The following ARHGEF7 variants were observed in gnomAD, a reference collection of about 807,000 sequenced individuals.
The protein encoded by ARHGEF7 is PAK-interacting exchange factor beta.
In ARHGEF7, 33 loss-of-function variants were observed where a neutral mutation model predicts 109.8. The ratio of observed to expected loss-of-function variants is 0.30; its 90% CI spans 0.23 to 0.40. The LOEUF is 0.40. Ranked by LOEUF, ARHGEF7 falls within the 10% of genes least tolerant of loss-of-function variation. The pLI is 1.00. For synonymous variants in ARHGEF7, 458 were observed against 424.6 expected (o/e 1.08, Z -0.97); for missense variants, 938 against 1,098.5 (o/e 0.85, Z 2.07).
intron 19 of ARHGEF7, among the ~76,000 whole-genome samples, chr13:111,299,854 T>A (rs2093522713): frequency 6.6e-6 from 1 of 152,220 alleles, no homozygotes; most frequent in Non-Finnish European, 1.5e-5. Flanking sequence ...CCCTTCTTCA[T>A]GGAGAAATGT....
intron 19 of ARHGEF7, among the ~76,000 whole-genome samples, chr13:111,298,467 G>A (rs966550022): frequency 2.0e-5 from 3 of 152,174 alleles, no homozygotes; most frequent in African/African-American, 7.2e-5. Context: ...GCAGCCCAGG[G>A]CCCACTACCC....
At chr13:111,196,717 C>CT (rs1436677454) in intron 2 of ARHGEF7, among the ~76,000 whole-genome samples, 4 of 151,788 alleles carry the variant, frequency 2.6e-5, no homozygotes, top group African/African-American at 9.7e-5. Context: ...GGAAGGGGAG[C>CT]TATAGGGAGG....
chr13:111,116,902 T>C (rs1231172809), intron 1 of ARHGEF7, among the ~76,000 whole-genome samples: 1 of 152,234 alleles, frequency 6.6e-6, no homozygotes, highest in African/African-American at 2.4e-5. Flanking sequence ...AAACAGAATC[T>C]GCATATTAGA....
At chr13:111,252,015 G>A (rs1163069369) in intron 8 of ARHGEF7, among the ~76,000 whole-genome samples, 1 of 152,344 alleles carries the variant, frequency 6.6e-6, no homozygotes, top group Non-Finnish European at 1.5e-5. Context: ...TACTTCCAAA[G>A]TGGGAGGAGT....
At chr13:111,133,522 A>G (rs1171937412) in intron 1 of ARHGEF7, among the ~76,000 whole-genome samples, 1 of 151,806 alleles carries the variant, frequency 6.6e-6, no homozygotes, top group African/African-American at 2.4e-5. Context: ...ACTTTTGTCC[A>G]TCACATACAG....
In ARHGEF7 at chr13:111,272,868, G is replaced by C. The variant is rs990537312; in HGVS notation, c.1074-946G>C. Among the ~76,000 whole-genome samples the C allele has an allele frequency of 2.0e-5, 3 of 152,124 alleles. No individual in the cohort carries two copies. Among genetic ancestry groups the C allele is most frequent in the African/African-American group, 7.2e-5 (3 of 41,418 alleles). The stretch of plus-strand genomic sequence containing the variant: ...GGGTGTTGCGGTCAGGTGACTGTCA[G>C]CCTTAACAAACGTGTGGGTGAAGAG... On this transcript the variant is annotated intron_variant, in intron 9 of 21. Transcript: ENST00000646102. This position sits in a 1 kb window ranked among gnomAD's most constrained non-coding sequence, Gnocchi z 5.2.
chr13:111,156,373 A>G (rs1045929245), intron 2 of ARHGEF7, among the ~76,000 whole-genome samples: 6 of 152,226 alleles, frequency 3.9e-5, no homozygotes, highest in African/African-American at 1.2e-4. Flanking sequence ...ATTTTGTGCT[A>G]TTTTTAAAGA....
intron 3 of ARHGEF7, among the ~76,000 whole-genome samples, chr13:111,206,397 G>A (rs1484527920): frequency 6.6e-6 from 1 of 152,114 alleles, no homozygotes; most frequent in Non-Finnish European, 1.5e-5. Flanking sequence ...GGAAGCTGAT[G>A]CTGCTGCTGC....
chr13:111,190,789 T>C (rs185104203), intron 2 of ARHGEF7, among the ~76,000 whole-genome samples: 1 of 152,192 alleles, frequency 6.6e-6, no homozygotes, highest in Non-Finnish European at 1.5e-5. Flanking sequence ...TATAGGTCGA[T>C]GTTCCACATA....
At chr13:111,138,522 C>T (rs193248706) in intron 1 of ARHGEF7, among the ~76,000 whole-genome samples, 135 of 152,244 alleles carry the variant, frequency 8.9e-4, no homozygotes, top group African/African-American at 3.1e-3. Flanking sequence ...AACGGCTGCT[C>T]ATCAAGGAAG....
rs536150825 is a variant in ARHGEF7 at position 111,162,102 on chromosome 13, C to T, written c.252+8111C>T. On this transcript the variant is annotated intron_variant, in intron 2 of 21. Transcript: ENST00000646102. ...GCTTTGAACACCTGCTACCATACAG[C>T]TTCCAGAGAACTTTTGCCAGTAGCA... Among the ~76,000 whole-genome samples the T allele has an allele frequency of 1.3e-4, 20 of 152,346 alleles. No individual in the cohort carries two copies. The East Asian group carries it at 3.9e-3, about 29-fold the overall frequency.
chr13:111,265,675 T>TTA (rs1188598876), intron 8 of ARHGEF7: 1 of 456,574 alleles, frequency 2.2e-6, no homozygotes, highest in South Asian at 1.5e-5. Flanking sequence ...GATCATCTGT[T>TTA]ACTACAGATG....
chr13:111,284,356 G>C (rs1332226415), intron 16 of ARHGEF7, among the ~76,000 whole-genome samples: 4 of 152,204 alleles, frequency 2.6e-5, no homozygotes, highest in Non-Finnish European at 5.9e-5. Context: ...ATTAGGATCT[G>C]TGCTTTTCAT....
intron 15 of ARHGEF7, among the ~76,000 whole-genome samples, chr13:111,281,464 G>A (rs991116237): frequency 6.6e-6 from 1 of 152,118 alleles, no homozygotes; most frequent in Non-Finnish European, 1.5e-5. Flanking sequence ...TCTTCTTCAT[G>A]TGAAGGTTGT....
intron 1 of ARHGEF7, among the ~76,000 whole-genome samples, chr13:111,138,141 C>T (rs1157923473): frequency 2.0e-5 from 3 of 151,978 alleles, no homozygotes; most frequent in Non-Finnish European, 4.4e-5. Flanking sequence ...TGGAGAAACC[C>T]CATCTCTACT....
At chr13:111,167,103 G>C (rs190702240) in intron 2 of ARHGEF7, among the ~76,000 whole-genome samples, 67 of 152,254 alleles carry the variant, frequency 4.4e-4, no homozygotes, top group African/African-American at 1.5e-3. Context: ...TTTGTTCTTG[G>C]GTCAGGTGTA....
At chr13:111,217,938 T>C in intron 5 of ARHGEF7, 58 bp downstream of exon 5, 7 of 1,492,022 alleles carry the variant, frequency 4.7e-6, no homozygotes, top group South Asian at 1.3e-5. Flanking sequence ...AAGAAGTAAA[T>C]GTACTTGACA....
At chr13:111,213,745 A>G (rs764851356) in intron 4 of ARHGEF7, among the ~76,000 whole-genome samples, 5 of 152,172 alleles carry the variant, frequency 3.3e-5, no homozygotes, top group Non-Finnish European at 7.3e-5. Flanking sequence ...AAAACCCCAC[A>G]ATGATAAAAT....
chr13:111,147,888 G>A (rs1377910976), intron 1 of ARHGEF7, among the ~76,000 whole-genome samples: 2 of 151,686 alleles, frequency 1.3e-5, no homozygotes, highest in African/African-American at 2.4e-5. Flanking sequence ...TAGTAGAGAC[G>A]GGGTTTCACC....
Sources: gnomAD v4.1 joint callset for allele counts (sites outside exome capture counted in the v4.1 genomes callset) on GRCh38, gnomAD v4.1.1 for gene constraint, Gnocchi (gnomAD v3.1) non-coding constraint, MANE v1.5 for transcripts, NCBI Gene and HGNC (gene_info 2026-07-23, HGNC 2026-07-21) for gene names.